Variants in HDAC9 observed in about 807,000 individuals in gnomAD.
The protein encoded by HDAC9 is histone deacetylase 9, also known as MEF-2 interacting transcription repressor (MITR) protein.
A neutral mutation model predicts 139.4 loss-of-function variants in HDAC9; 41 were observed. The ratio of observed to expected loss-of-function variants is 0.29; its 90% CI spans 0.23 to 0.38. The LOEUF (loss-of-function observed/expected upper bound fraction) is 0.38. Ranked by LOEUF, HDAC9 falls within the 10% of genes least tolerant of loss-of-function variation. The pLI, the probability that HDAC9 is intolerant of heterozygous loss-of-function variation, is 1.00. For missense variants in HDAC9, 1,147 were observed against 1,297.0 expected, an observed-to-expected ratio of 0.88 and a Z score of 1.78; for synonymous variants, 517 against 476.2, an observed-to-expected ratio of 1.09 and a Z score of -1.12.
chr7:18,144,226 G>A (rs796141114), intron 1 of HDAC9, among the ~76,000 whole-genome samples: 32 of 152,264 alleles, frequency 2.1e-4, no homozygotes, highest in African/African-American at 7.2e-4. Context: ...TTAAATACCA[G>A]CTCTAAGAGG....
intron 24 of HDAC9, among the ~76,000 whole-genome samples, chr7:18,966,157 T>C (rs1783831139): frequency 6.6e-6 from 1 of 152,234 alleles, no homozygotes; most frequent in African/African-American, 2.4e-5. Context: ...AATTTTTACT[T>C]TGAACACATG....
At position 18,688,322 on chromosome 7, in the gene HDAC9, G is replaced by A. The variant is rs1321455294; in HGVS notation, c.1731+21846G>A. 2.4e-4 allele frequency among the ~76,000 whole-genome samples: 36 copies of A among 151,624 alleles called. 2 individuals carry two copies. The highest frequency in any genetic ancestry group is 8.7e-4 in the African/African-American group (36 of 41,420). Reference sequence around the variant, plus strand: ...AGCCTTAGTTTGACTGCTGACACCGGGAATGCATTTCTAAACTTCTAAATG... The same window carrying A: ...AGCCTTAGTTTGACTGCTGACACCGAGAATGCATTTCTAAACTTCTAAATG... On this transcript the variant is annotated intron_variant, in intron 12 of 25. Transcript: ENST00000686413.
At chr7:18,373,841 A>G (rs757316976) in intron 1 of HDAC9, among the ~76,000 whole-genome samples, 1 of 152,174 alleles carries the variant, frequency 6.6e-6, no homozygotes, top group Non-Finnish European at 1.5e-5. Flanking sequence ...TTAAAGAGAA[A>G]CAGTAGACTT....
chr7:18,402,854 C>A (rs1401705221), intron 1 of HDAC9, among the ~76,000 whole-genome samples: 1 of 152,022 alleles, frequency 6.6e-6, no homozygotes, highest in East Asian at 1.9e-4. Flanking sequence ...TATTACCCTT[C>A]AGAGAAAATT....
rs563090103 is a variant in HDAC9 at position 18,248,337 on chromosome 7, C to T, written c.25+85988C>T. Among the ~76,000 whole-genome samples the T allele has an allele frequency of 1.1e-4, 16 of 152,302 alleles. No individual in the cohort carries two copies. In the East Asian group the frequency reaches 3.1e-3, roughly 29 times the overall value. ...ATTGGGAAGCAGGCAAACACCTGAA[C>T]AACCATCATACTAGTATTGCACATA... is the stretch of plus-strand genomic sequence containing the variant. On this transcript the variant is annotated intron_variant, in intron 2 of 12. Coordinates refer to the HDAC9 transcript ENST00000417496.
chr7:18,681,093 C>A lies in HDAC9; in HGVS notation c.1731+14617C>A, dbSNP rs1042519413. Among the ~76,000 whole-genome samples the A allele has an allele frequency of 3.3e-5, 5 of 151,978 alleles. 1 individual carries two copies. The highest frequency in any genetic ancestry group is 4.8e-5 in the African/African-American group (2 of 41,428). ...GTTGGTAAAAACTGAGGACAATTTT[C>A]ATTGCATCACTTTAGCCCTAAACTT... On this transcript the variant is annotated intron_variant, in intron 12 of 25. Transcript: ENST00000686413.
chr7:18,954,348 T>C, intron 24 of HDAC9, 118 bp downstream of exon 24: 1 of 811,010 alleles, frequency 1.2e-6, no homozygotes, highest in Non-Finnish European at 2.0e-6. Context: ...ACATGCGTTC[T>C]TAAGTATATA....
At chr7:18,895,854 C>T (rs376231102) in intron 22 of HDAC9, among the ~76,000 whole-genome samples, 12 of 152,030 alleles carry the variant, frequency 7.9e-5, no homozygotes, top group Admixed American at 3.9e-4. Context: ...TGAAATGCAG[C>T]TTAGTAACAA....
intron 1 of HDAC9, among the ~76,000 whole-genome samples, chr7:18,347,036 G>C (rs539176861): frequency 4.6e-5 from 7 of 152,022 alleles, no homozygotes; most frequent in Non-Finnish European, 7.4e-5. Context: ...CATGGGATGG[G>C]GGTTTTAAAA....
intron 6 of HDAC9, among the ~76,000 whole-genome samples, chr7:18,606,870 A>C (rs1461540845): frequency 6.6e-6 from 1 of 152,196 alleles, no homozygotes; most frequent in Non-Finnish European, 1.5e-5. Flanking sequence ...TTTATAGTTT[A>C]GTAGTGCTTT....
At chr7:18,101,940 T>C (rs1341928843) in intron 1 of HDAC9, among the ~76,000 whole-genome samples, 1 of 152,200 alleles carries the variant, frequency 6.6e-6, no homozygotes, top group African/African-American at 2.4e-5. Flanking sequence ...AGCTCATAAA[T>C]TACTATATTT....
At chr7:18,699,688 A>G (rs1460992882) in intron 12 of HDAC9, among the ~76,000 whole-genome samples, 1 of 152,112 alleles carries the variant, frequency 6.6e-6, no homozygotes, top group Admixed American at 6.5e-5. Flanking sequence ...GATTTTTCCT[A>G]AATGGCTCTT....
chr7:18,910,906 T>A (rs1802683378), intron 22 of HDAC9, among the ~76,000 whole-genome samples: 1 of 151,936 alleles, frequency 6.6e-6, no homozygotes, highest in African/African-American at 2.4e-5. Context: ...AGCCTATAGT[T>A]TTCTTATTTT....
chr7:18,434,958 C>A (rs573706034), intron 1 of HDAC9, among the ~76,000 whole-genome samples: 1 of 142,648 alleles, frequency 7.0e-6, no homozygotes, highest in African/African-American at 2.6e-5. Context: ...TGTCACAGAA[C>A]TATTGAGAAT....
chr7:18,796,780 G>T lies in HDAC9; in HGVS notation c.2322+3328G>T, dbSNP rs553824269. ...AAAGTATGTCAAAGACATAGAAATA[G>T]CTCTAAAAGGTGAACATTTTGTAAT... On this transcript the variant is annotated intron_variant, in intron 17 of 25. Coordinates refer to ENST00000686413, the MANE Select transcript of HDAC9 (RefSeq NM_178425.4). 2.4e-4 allele frequency among the ~76,000 whole-genome samples: 36 copies of T among 152,096 alleles called. 1 individual carries two copies. The highest frequency in any genetic ancestry group is 6.6e-5 in the Admixed American group (1 of 15,266).
chr7:18,494,587 A>T (rs547614844), upstream of HDAC9, among the ~76,000 whole-genome samples: 27 of 152,150 alleles, frequency 1.8e-4, no homozygotes, highest in South Asian at 5.6e-3. Context: ...GGAATGTAAA[A>T]TTTATCTCTT....
At chr7:18,229,729 G>C (rs1021407514) in intron 2 of HDAC9, among the ~76,000 whole-genome samples, 3 of 152,124 alleles carry the variant, frequency 2.0e-5, no homozygotes, top group Non-Finnish European at 4.4e-5. Context: ...TTATTCCTGA[G>C]AGCTGCTGCT....
chr7:18,758,228 C>T (rs1436951614), intron 14 of HDAC9, among the ~76,000 whole-genome samples: 1 of 152,184 alleles, frequency 6.6e-6, no homozygotes, highest in Non-Finnish European at 1.5e-5. Flanking sequence ...TCCTTATTTG[C>T]ATTGTGTGCC....
chr7:18,601,465 T>C (rs995774238), intron 6 of HDAC9, among the ~76,000 whole-genome samples: 2 of 152,128 alleles, frequency 1.3e-5, no homozygotes, highest in Non-Finnish European at 2.9e-5. Context: ...CTTTTTTTTT[T>C]CTTTTTCATG....
Sources: gnomAD v4.1 joint callset for allele counts (sites outside exome capture counted in the v4.1 genomes callset) on GRCh38, gnomAD v4.1.1 for gene constraint, MANE v1.5 for transcripts, NCBI Gene and HGNC (gene_info 2026-07-23, HGNC 2026-07-21) for gene names.